PHB2: variants seen among roughly 807,000 people sequenced by gnomAD.
The protein encoded by PHB2 is prohibitin-2.
PHB2 carries 22 observed loss-of-function variants against 46.4 expected under a neutral mutation model. That is an observed-to-expected ratio of 0.47 (90% CI 0.34 to 0.68). PHB2 has a LOEUF of 0.68. Among genes scored for constraint, PHB2 ranks in the 30% least tolerant of loss-of-function variants. The pLI, the probability that PHB2 is intolerant of heterozygous loss-of-function variation, is 0.01. For missense variants in PHB2, 305 were observed against 382.8 expected (o/e 0.80, Z 1.70); for synonymous variants, 156 against 150.5 (o/e 1.04, Z -0.27).
At chr12:6,965,865 TG>T in intron 9 of PHB2, 45 bp downstream of exon 9, 3 of 1,598,026 alleles carry the variant, frequency 1.9e-6, no homozygotes, top group Non-Finnish European at 2.5e-6. Flanking sequence ...AGGCGGGTAC[TG>T]GAGAAGGTGG....
rs376647848 is a variant in PHB2, at chr12:6,965,881, C to A, written c.872+30G>T. The A allele has an allele frequency of 1.9e-6, 3 of 1,598,452 alleles. No homozygotes were observed. The African/African-American group carries it at 4.0e-5, about 21-fold the overall frequency. On this transcript the variant is annotated intron_variant, in intron 9 of 9. Transcript: ENST00000535923. ...GGCGGGTACTGGAGAAGGTGGCCTG[C>A]AGGACCCCACAGAAGCAACAACAGC...
chr12:6,969,058 G>A (rs1196474395), intron 3 of PHB2, among the ~76,000 whole-genome samples: 1 of 152,158 alleles, frequency 6.6e-6, no homozygotes, highest in Non-Finnish European at 1.5e-5. Flanking sequence ...GTGCGTGGGT[G>A]GGGAGGAGGA....
chr12:6,966,279 T>C (rs902129530), intron 8 of PHB2, 145 bp downstream of exon 8: 4 of 647,862 alleles, frequency 6.2e-6, no homozygotes, highest in Non-Finnish European at 8.4e-6. Flanking sequence ...AGATGCAAGA[T>C]AGAAACTGTC....
At chr12:6,969,237 C>T in intron 3 of PHB2, among the ~76,000 whole-genome samples, 1 of 152,284 alleles carries the variant, frequency 6.6e-6, no homozygotes, top group East Asian at 1.9e-4. Flanking sequence ...TAAAACAAAG[C>T]TTTGATCTAG....
At chr12:6,966,006 C>T in intron 8 of PHB2, 90 bp from the exon 9 acceptor site, 1 of 1,356,108 alleles carries the variant, frequency 7.4e-7, no homozygotes, top group Non-Finnish European at 1.0e-6. Context: ...AGCTTTGAAC[C>T]CTCCTTTGCT....
intron 1 of PHB2, 25 bp from the exon 2 acceptor site, chr12:6,970,305 G>A (rs1555151839): frequency 1.2e-6 from 2 of 1,610,732 alleles, no homozygotes; most frequent in African/African-American, 1.3e-5. Flanking sequence ...GTGGTGATCA[G>A]GCCAGGCCGC....
At chr12:6,966,306 A>T in intron 8 of PHB2, 118 bp downstream of exon 8, 1 of 709,428 alleles carries the variant, frequency 1.4e-6, no homozygotes, top group Non-Finnish European at 2.6e-6. Context: ...CCCCTTTTCT[A>T]ATTTTGGTTC....
rs1485841721 is a variant in PHB2, at chr12:6,968,494, C to A, written c.394G>T (p.Val132Leu). 29 of 1,613,450 alleles carry A rather than the reference C, an allele frequency of 1.8e-5. No homozygotes were observed. The highest frequency in any genetic ancestry group is 2.5e-5 in the Non-Finnish European group (29 of 1,179,690). Residue 132 changes from valine to leucine, a missense_variant, in exon 4 of 10, where the codon GTG becomes TTG. Coordinates refer to ENST00000535923, the MANE Select transcript of PHB2 (RefSeq NM_001144831.2). Reference sequence around the variant, plus strand: ...ACCTCGTTGACAATGGACGGCAACACTCGTTCCTCGTAGTCCAGCCCTAGG... The same window carrying A: ...ACCTCGTTGACAATGGACGGCAACAATCGTTCCTCGTAGTCCAGCCCTAGG... Reference protein sequence around the residue: ...QRLGLDYEERVLPSIVNEVLK... With the variant: ...QRLGLDYEERLLPSIVNEVLK...
At position 6,967,429 on chromosome 12, in the gene PHB2, G is replaced by C; in HGVS notation, c.712-181C>G. The C allele has an allele frequency of 7.2e-7, 1 of 1,383,472 alleles. No homozygotes were observed. Among genetic ancestry groups the C allele is most frequent in the Non-Finnish European group, 1.0e-6 (1 of 978,004 alleles). The allele number at this position is 1,383,472 out of a possible 1,614,324, so 85.7% of individuals were successfully genotyped here. On this transcript the variant is annotated intron_variant, in intron 6 of 9. Transcript: ENST00000535923. The surrounding 1 kb of genome is among the most constrained non-coding windows in gnomAD (Gnocchi z 4.9). The stretch of plus-strand genomic sequence containing the variant: ...CCCTGCAGGCTGCTGCCAGGAACTA[G>C]GGGCAGCACCAGAAATGAAGGCAAG...
intron 8 of PHB2, 38 bp downstream of exon 8, chr12:6,966,386 T>A (rs1555150787): frequency 7.8e-7 from 1 of 1,282,454 alleles, no homozygotes; most frequent in Admixed American, 1.7e-5. Flanking sequence ...AGGTCCCACG[T>A]TCTTGGTGAT....
chr12:6,970,635 G>T lies in PHB2; in HGVS notation c.-92C>A. 3 of 1,405,110 alleles carry T rather than the reference G, an allele frequency of 2.1e-6. No homozygotes were observed. Among genetic ancestry groups the T allele is most frequent in the East Asian group, 2.3e-5 (1 of 43,510 alleles). 87.0% of individuals were successfully genotyped at this position (1,405,110 alleles called of 1,614,324 possible). ...GGCTTAGGTACTGCACCCTTCACAC[G>T]AGGGTTCGGGCCCGTAAGGCTGGCG... On this transcript the variant is annotated 5_prime_UTR_variant, in exon 1 of 10. Coordinates refer to ENST00000535923, the MANE Select transcript of PHB2 (RefSeq NM_001144831.2).
Position 6,966,479 on chromosome 12 carries a change from T to TA in PHB2, c.810dup (p.Ile271TyrfsTer6). The TA allele has an allele frequency of 6.2e-7, 1 of 1,610,348 alleles. No homozygotes were observed. Among genetic ancestry groups the TA allele is most frequent in the Non-Finnish European group, 8.5e-7 (1 of 1,176,564 alleles). ...ACAAGGTTGTCAGCTGTGAGATAGATACGATTCTGTGATGTGGCGATCTAC... is the reference window on the plus strand; with the variant it reads ...ACAAGGTTGTCAGCTGTGAGATAGATAACGATTCTGTGATGTGGCGATCTAC... On this transcript the variant is annotated frameshift_variant, in exon 8 of 10. Transcript: ENST00000535923. LOFTEE classifies it high-confidence loss of function.
intron 4 of PHB2, 29 bp from the exon 5 acceptor site, chr12:6,968,050 AG>A (rs782549493): frequency 8.3e-6 from 13 of 1,569,646 alleles, no homozygotes; most frequent in Non-Finnish European, 1.1e-5. Flanking sequence ...AGGGGAAGGG[AG>A]GGGTGGTTTG....
rs201049811 is a variant in PHB2, at chr12:6,968,441, A to G, written c.447T>C (p.Asn149=). The change falls in exon 4 of 10, where the codon AAT becomes AAC. Residue 149 remains asparagine, a synonymous_variant. Transcript: ENST00000535923. The stretch of plus-strand genomic sequence containing the variant: ...CCCGCTGGGTGATCAGCTGTGAGGC[A>G]TTGAACTTGGCCACCACACTCTTGA... ...EVLKSVVAKF[N]ASQLITQRAQ... 655 of 1,612,278 alleles carry G rather than the reference A, an allele frequency of 4.1e-4. 1 individual carries two copies. Among genetic ancestry groups the G allele is most frequent in the Non-Finnish European group, 5.3e-4 (622 of 1,179,272 alleles).
intron 4 of PHB2, among the ~76,000 whole-genome samples, 181 bp downstream of exon 4, chr12:6,968,230 C>T (rs73264604): frequency 0.02 from 3,000 of 152,314 alleles, 107 homozygotes; most frequent in African/African-American, 0.069. Flanking sequence ...TTCCTAACAC[C>T]GAGTGCTATC....
At chr12:6,966,976 T>C (rs1946221373) in intron 7 of PHB2, among the ~76,000 whole-genome samples, 195 bp downstream of exon 7, 1 of 152,200 alleles carries the variant, frequency 6.6e-6, no homozygotes, top group Admixed American at 6.5e-5. Flanking sequence ...CTCGAACTCC[T>C]GACCTCAGGT....
intron 4 of PHB2, among the ~76,000 whole-genome samples, 189 bp from the exon 5 acceptor site, chr12:6,968,210 T>C (rs1946248930): frequency 6.6e-6 from 1 of 152,248 alleles, no homozygotes; most frequent in South Asian, 2.1e-4. Flanking sequence ...TTGGCCATTT[T>C]CCTCTGTGCT....
At chr12:6,969,432 T>C (rs1946277932) in intron 3 of PHB2, 66 bp downstream of exon 3, 1 of 834,814 alleles carries the variant, frequency 1.2e-6, no homozygotes, top group Non-Finnish European at 2.0e-6. Context: ...CATATTCCCC[T>C]GGGGTTTCTT....
chr12:6,967,616 G>A lies in PHB2; in HGVS notation c.711+60C>T. ...TAGTCTCATCAGCCTGCCCATGAAG[G>A]AGAATGGGGAACTCAGGTGCCCTAG... On this transcript the variant is annotated intron_variant, in intron 6 of 9. Transcript: ENST00000535923. This position sits in a 1 kb window ranked among gnomAD's most constrained non-coding sequence, Gnocchi z 4.9. The A allele has an allele frequency of 3.0e-6, 4 of 1,334,084 alleles. No homozygotes were observed. The highest frequency in any genetic ancestry group is 1.7e-5 in the Admixed American group (1 of 59,640). The allele number at this position is 1,334,084 out of a possible 1,614,324, so 82.6% of individuals were successfully genotyped here.
Sources: allele counts gnomAD v4.1 joint callset (sites outside exome capture counted in the v4.1 genomes callset), GRCh38; gene constraint gnomAD v4.1.1; non-coding constraint Gnocchi (gnomAD v3.1); transcripts MANE v1.5; gene names NCBI Gene and HGNC (gene_info 2026-07-23, HGNC 2026-07-21).